PLCZ1: variants seen among roughly 807,000 people sequenced by gnomAD.
The protein encoded by PLCZ1 is 1-phosphatidylinositol 4,5-bisphosphate phosphodiesterase zeta-1.
Under a neutral mutation model 76.8 loss-of-function variants are expected in PLCZ1, and 64 were observed. That is an observed-to-expected ratio of 0.83 (90% CI 0.68 to 1.03). PLCZ1 has a LOEUF of 1.03. Ranked by LOEUF, PLCZ1 falls within the 50% of genes least tolerant of loss-of-function variation. The pLI is 0.00. For synonymous variants in PLCZ1, 248 were observed against 230.8 expected, an observed-to-expected ratio of 1.07 and a Z score of -0.68; for missense variants, 751 against 713.7, an observed-to-expected ratio of 1.05 and a Z score of -0.60.
the PLCZ1 span, among the ~76,000 whole-genome samples, chr12:18,667,688 C>A: frequency 6.6e-6 from 1 of 152,230 alleles, no homozygotes; most frequent in Non-Finnish European, 1.5e-5. Flanking sequence ...TTACCCACAG[C>A]ATTTGATTTC....
At chr12:18,719,846 ATTAT>A (rs1347032768) in intron 4 of PLCZ1, among the ~76,000 whole-genome samples, 1 of 152,064 alleles carries the variant, frequency 6.6e-6, no homozygotes, top group African/African-American at 2.4e-5. Context: ...TAAATAATAT[ATTAT>A]TTAATTATCT....
the PLCZ1 span, among the ~76,000 whole-genome samples, chr12:18,653,154 A>C: frequency 6.6e-6 from 1 of 152,148 alleles, no homozygotes; most frequent in Admixed American, 6.6e-5. Context: ...ATCATAAAAC[A>C]AAGTGGTTGC....
chr12:18,699,527 A>G (rs892151121), intron 10 of PLCZ1, among the ~76,000 whole-genome samples: 1 of 152,038 alleles, frequency 6.6e-6, no homozygotes, highest in Non-Finnish European at 1.5e-5. Flanking sequence ...CAAGCTGCTC[A>G]CCACAGCCCC....
At chr12:18,668,242 TAAG>T in the PLCZ1 span, among the ~76,000 whole-genome samples, 310 of 152,332 alleles carry the variant, frequency 2.0e-3, 1 homozygote, top group Non-Finnish European at 3.6e-3. Flanking sequence ...CATTATTTCT[TAAG>T]AAGAAACACA....
chr12:18,668,151 C>T, the PLCZ1 span, among the ~76,000 whole-genome samples: 1 of 152,106 alleles, frequency 6.6e-6, no homozygotes, highest in African/African-American at 2.4e-5. Flanking sequence ...CTCATAGGGA[C>T]TAGCAGGTAG....
intron 14 of PLCZ1, chr12:18,683,772 T>A: frequency 1.8e-6 from 1 of 550,068 alleles, no homozygotes; most frequent in Non-Finnish European, 3.2e-6. Context: ...CAATCTCTTC[T>A]CCTCAGGCAG....
the PLCZ1 span, among the ~76,000 whole-genome samples, chr12:18,673,716 T>C: frequency 6.6e-6 from 1 of 152,138 alleles, no homozygotes; most frequent in Non-Finnish European, 1.5e-5. Flanking sequence ...CTACAAAGGG[T>C]CTGCAGTCTC....
intron 2 of PLCZ1, chr12:18,736,606 C>T (rs1959298379): frequency 9.2e-7 from 1 of 1,087,564 alleles, no homozygotes; most frequent in Non-Finnish European, 1.2e-6. Context: ...GAAGTCATTA[C>T]TTAGAACATA....
chr12:18,651,251 T>A, the PLCZ1 span, among the ~76,000 whole-genome samples: 1 of 151,974 alleles, frequency 6.6e-6, no homozygotes, highest in Non-Finnish European at 1.5e-5. Flanking sequence ...CTGTATCCAT[T>A]TGCCTAGCTC....
At chr12:18,677,568 G>A in the PLCZ1 span, among the ~76,000 whole-genome samples, 3 of 152,098 alleles carry the variant, frequency 2.0e-5, no homozygotes, top group African/African-American at 4.8e-5. Context: ...ACTGGCTGAG[G>A]ACCTAATGCA....
chr12:18,653,191 G>A, the PLCZ1 span, among the ~76,000 whole-genome samples: 4 of 152,108 alleles, frequency 2.6e-5, no homozygotes, highest in African/African-American at 9.7e-5. Flanking sequence ...TCCCAGCATT[G>A]GCAGCATGGT....
At chr12:18,655,071 G>A in the PLCZ1 span, among the ~76,000 whole-genome samples, 3 of 151,546 alleles carry the variant, frequency 2.0e-5, no homozygotes, top group African/African-American at 7.3e-5. Context: ...AAATACCAGA[G>A]GCTTTTGATG....
the PLCZ1 span, among the ~76,000 whole-genome samples, chr12:18,668,035 A>C: frequency 6.6e-6 from 1 of 152,194 alleles, no homozygotes; most frequent in African/African-American, 2.4e-5. Flanking sequence ...ACCTAATATA[A>C]TCAGATTTCT....
Position 18,737,393 on chromosome 12 carries a change from GT to G in PLCZ1, c.-23del. On this transcript the variant is annotated 5_prime_UTR_variant, in exon 2 of 15. It removes the in-frame stop codon of an upstream open reading frame in the 5' UTR. Transcript: ENST00000266505. Reference sequence around the variant, plus strand: ...CCATAGTTTCATGACCTGTAGAGCCGTTTCTCCTCACTTAGAAGTCTTTCCC... The same window carrying G: ...CCATAGTTTCATGACCTGTAGAGCCGTTCTCCTCACTTAGAAGTCTTTCCC... The G allele has an allele frequency of 6.2e-7, 1 of 1,613,736 alleles. No homozygotes were observed. Among genetic ancestry groups the G allele is most frequent in the Non-Finnish European group, 8.5e-7 (1 of 1,179,690 alleles).
chr12:18,705,401 A>C (rs1956475248), intron 6 of PLCZ1, 86 bp from the exon 7 acceptor site: 1 of 1,512,804 alleles, frequency 6.6e-7, no homozygotes, highest in African/African-American at 1.4e-5. Flanking sequence ...ATGTATTTTA[A>C]AACTTACTTC....
At chr12:18,731,149 A>G (rs1272023756) in intron 3 of PLCZ1, 1 of 151,992 alleles carries the variant, frequency 6.6e-6, no homozygotes, top group African/African-American at 2.4e-5. Context: ...TGGTTGTTGG[A>G]AGACAATTCT....
rs146863243 is a variant in PLCZ1, at chr12:18,727,453, A to T, written c.136-3911T>A. ...AGGGTCAAAGGAGAATCTTTATAGA[A>T]AAAGTGATCCTGGAACTGAGTCTTC... On this transcript the variant is annotated intron_variant, in intron 3 of 14. Coordinates refer to ENST00000266505, the MANE Select transcript of PLCZ1 (RefSeq NM_033123.4). 5.2e-3 allele frequency among the ~76,000 whole-genome samples: 786 copies of T among 152,278 alleles called. 4 individuals are homozygous for T. The highest frequency in any genetic ancestry group is 0.018 in the African/African-American group (737 of 41,570).
intron 5 of PLCZ1, chr12:18,714,598 T>C (rs1957728743): frequency 6.6e-6 from 1 of 152,088 alleles, no homozygotes; most frequent in African/African-American, 2.4e-5. Context: ...TTAAAAAAGC[T>C]CCCTTGTCAT....
At chr12:18,734,985 A>T (rs905565161) in intron 3 of PLCZ1, among the ~76,000 whole-genome samples, 2 of 152,140 alleles carry the variant, frequency 1.3e-5, no homozygotes, top group Admixed American at 1.3e-4. Context: ...ATTTTGTCAC[A>T]TGCTTTTTCT....
Sources: gnomAD v4.1 joint callset for allele counts (sites outside exome capture counted in the v4.1 genomes callset) on GRCh38, gnomAD v4.1.1 for gene constraint, MANE v1.5 for transcripts, NCBI Gene and HGNC (gene_info 2026-07-23, HGNC 2026-07-21) for gene names.